NDST3: variants seen among roughly 807,000 people sequenced by gnomAD.
NDST3 encodes the protein N-deacetylase and N-sulfotransferase 3.
NDST3 carries 58 observed loss-of-function variants against 96.1 expected under a neutral mutation model. The observed-to-expected ratio is 0.60, with a 90% CI of 0.49 to 0.75. The LOEUF (loss-of-function observed/expected upper bound fraction) is 0.75, where lower values mean the gene tolerates loss of function less well. Among genes scored for constraint, NDST3 ranks in the 30% least tolerant of loss-of-function variants. The pLI is 0.00. For synonymous variants in NDST3, 333 were observed against 359.7 expected (o/e 0.93, Z 0.84); for missense variants, 788 against 1,034.2 (o/e 0.76, Z 3.27).
At chr4:118,120,132 G>A (rs905193427) in intron 4 of NDST3, among the ~76,000 whole-genome samples, 6 of 152,000 alleles carry the variant, frequency 3.9e-5, no homozygotes, top group African/African-American at 9.7e-5. Flanking sequence ...AAAAGTAAAC[G>A]TTTCTTCTAG....
At chr4:118,242,255 T>C (rs775009153) in intron 12 of NDST3, 106 bp downstream of exon 12, 70 of 642,444 alleles carry the variant, frequency 1.1e-4, no homozygotes, top group Non-Finnish European at 1.2e-4. Flanking sequence ...CCTTATATAC[T>C]GGTTATTTTT....
At chr4:118,173,459 A>G (rs2125940138) in intron 6 of NDST3, among the ~76,000 whole-genome samples, 1 of 152,282 alleles carries the variant, frequency 6.6e-6, no homozygotes, top group South Asian at 2.1e-4. Flanking sequence ...CACAAACATT[A>G]GAACATGACA....
At chr4:118,068,859 G>A (rs1726815838) in intron 2 of NDST3, among the ~76,000 whole-genome samples, 1 of 152,064 alleles carries the variant, frequency 6.6e-6, no homozygotes, top group South Asian at 2.1e-4. Context: ...ATAGTTTTGT[G>A]ACTGAGTTTA....
At chr4:118,158,601 C>G (rs1032687186) in intron 6 of NDST3, among the ~76,000 whole-genome samples, 5 of 152,166 alleles carry the variant, frequency 3.3e-5, no homozygotes, top group African/African-American at 1.2e-4. Flanking sequence ...GTTGCTGAAA[C>G]TTTTGGGTGA....
At position 118,148,748 on chromosome 4, in the gene NDST3, G is replaced by A. The variant is rs1578728154; in HGVS notation, c.1539+5064G>A. ...CTTTTCTCTAAAATTCATCTGAAAG[G>A]AAATAATACATTGACCTAATGGGAA... On this transcript the variant is annotated intron_variant, in intron 6 of 13. Coordinates refer to ENST00000296499, the MANE Select transcript of NDST3 (RefSeq NM_004784.3). 2.0e-5 allele frequency among the ~76,000 whole-genome samples: 3 copies of A among 152,206 alleles called. No homozygotes were observed. The South Asian group carries it at 6.2e-4, about 32-fold the overall frequency.
intron 2 of NDST3, among the ~76,000 whole-genome samples, chr4:118,066,348 C>T (rs373690934): frequency 2.7e-4 from 1 of 3,672 alleles, no homozygotes; most frequent in Non-Finnish European, 1.5e-3. Flanking sequence ...TATTATATAT[C>T]ATATATCATA....
chr4:118,180,256 C>T (rs1736525295), intron 6 of NDST3, among the ~76,000 whole-genome samples: 1 of 152,108 alleles, frequency 6.6e-6, no homozygotes, highest in Non-Finnish European at 1.5e-5. Context: ...GCCTCTCTCC[C>T]TTCCTCCCCT....
At chr4:118,052,951 A>G (rs1390120185) in intron 1 of NDST3, among the ~76,000 whole-genome samples, 1 of 151,944 alleles carries the variant, frequency 6.6e-6, no homozygotes, top group Non-Finnish European at 1.5e-5. Flanking sequence ...TTTTAAAAAC[A>G]TTTTTGGAGT....
At chr4:118,131,748 T>C (rs146617712) in intron 4 of NDST3, among the ~76,000 whole-genome samples, 185 of 152,196 alleles carry the variant, frequency 1.2e-3, no homozygotes, top group African/African-American at 4.2e-3. Context: ...GGAAGGCTTT[T>C]CAGATATTTG....
intron 6 of NDST3, among the ~76,000 whole-genome samples, chr4:118,149,721 T>C (rs1227751228): frequency 6.7e-6 from 1 of 149,806 alleles, no homozygotes; most frequent in African/African-American, 2.4e-5. Context: ...TTTGACTTCC[T>C]CTTTTCCTAA....
At chr4:118,081,802 A>T (rs550746289) in intron 2 of NDST3, among the ~76,000 whole-genome samples, 39 of 152,182 alleles carry the variant, frequency 2.6e-4, no homozygotes, top group African/African-American at 9.1e-4. Flanking sequence ...TCTCCACTCA[A>T]TTTGTCAGAT....
chr4:118,124,063 G>A (rs1731835541), intron 4 of NDST3, among the ~76,000 whole-genome samples: 1 of 152,024 alleles, frequency 6.6e-6, no homozygotes, highest in Admixed American at 6.6e-5. Flanking sequence ...AGGAATATGT[G>A]GTGTTAAGAA....
intron 2 of NDST3, among the ~76,000 whole-genome samples, chr4:118,071,480 T>C (rs946178582): frequency 6.6e-6 from 1 of 152,118 alleles, no homozygotes; most frequent in African/African-American, 2.4e-5. Context: ...TACTCATTGT[T>C]TAGCTCCCAC....
intron 2 of NDST3, among the ~76,000 whole-genome samples, chr4:118,089,347 A>G (rs1015928046): frequency 6.6e-6 from 1 of 151,864 alleles, no homozygotes; most frequent in African/African-American, 2.4e-5. Context: ...ATCTTTGTAA[A>G]GAAAAAAAAC....
chr4:118,120,110 C>T (rs1208047795), intron 4 of NDST3, among the ~76,000 whole-genome samples: 1 of 151,662 alleles, frequency 6.6e-6, no homozygotes, highest in Non-Finnish European at 1.5e-5. Context: ...TAAATGTTTG[C>T]TAAATAAAAA....
chr4:118,065,345 T>G (rs1204728685), intron 2 of NDST3, among the ~76,000 whole-genome samples: 1 of 152,106 alleles, frequency 6.6e-6, no homozygotes, highest in South Asian at 2.1e-4. Flanking sequence ...AGTAGTTAAC[T>G]AGGGAAAATT....
At chr4:118,067,189 T>C (rs1450633573) in intron 2 of NDST3, among the ~76,000 whole-genome samples, 1 of 151,764 alleles carries the variant, frequency 6.6e-6, no homozygotes, top group East Asian at 1.9e-4. Flanking sequence ...CTAGGAAATT[T>C]TGTATAACAT....
intron 2 of NDST3, among the ~76,000 whole-genome samples, chr4:118,078,108 G>A (rs946627495): frequency 7.2e-5 from 11 of 152,174 alleles, no homozygotes; most frequent in African/African-American, 2.6e-4. Context: ...GGACCCCACG[G>A]GGCTCTCACT....
intron 6 of NDST3, among the ~76,000 whole-genome samples, chr4:118,169,188 TGAA>T (rs1553939230): frequency 2.6e-5 from 4 of 152,140 alleles, no homozygotes; most frequent in Non-Finnish European, 4.4e-5. Flanking sequence ...CTTAATCTAA[TGAA>T]GAAATAATCA....
Sources: gnomAD v4.1 joint callset for allele counts (sites outside exome capture counted in the v4.1 genomes callset) on GRCh38, gnomAD v4.1.1 for gene constraint, MANE v1.5 for transcripts, NCBI Gene and HGNC (gene_info 2026-07-23, HGNC 2026-07-21) for gene names.